Variants in MAST3 observed in about 807,000 individuals in gnomAD.
MAST3 encodes the protein microtubule-associated serine/threonine-protein kinase 3.
Under a neutral mutation model 127.0 loss-of-function variants are expected in MAST3, and 43 were observed. The observed-to-expected ratio is 0.34, with a 90% CI of 0.27 to 0.44. The LOEUF is 0.44. Ranked by LOEUF, MAST3 falls within the 20% of genes least tolerant of loss-of-function variation. The pLI, the probability that MAST3 is intolerant of heterozygous loss-of-function variation, is 1.00. For missense variants in MAST3, 1,390 were observed against 1,919.1 expected (o/e 0.72, Z 5.15); for synonymous variants, 785 against 809.2 (o/e 0.97, Z 0.51).
intron 3 of MAST3, among the ~76,000 whole-genome samples, chr19:18,114,244 G>C (rs573488895): frequency 6.7e-6 from 1 of 149,970 alleles, no homozygotes; most frequent in South Asian, 2.1e-4. Context: ...CTGGAGTACA[G>C]TGGTGCGATA....
At chr19:18,124,976 G>A (rs1015683209) in intron 11 of MAST3, among the ~76,000 whole-genome samples, 2 of 151,686 alleles carry the variant, frequency 1.3e-5, no homozygotes, top group African/African-American at 4.9e-5. Context: ...GTGTGGTGGC[G>A]CATGCCTGTA....
chr19:18,143,706 G>A, intron 21 of MAST3, 57 bp from the exon 22 acceptor site: 1 of 1,602,336 alleles, frequency 6.2e-7, no homozygotes, highest in Non-Finnish European at 8.5e-7. Context: ...GAAGGTGGCT[G>A]AGTATCCTGG....
rs181303438 is a variant in MAST3, at chr19:18,127,319, G to A, written c.1079-1081G>A. Among the ~76,000 whole-genome samples, 317 of 151,104 alleles carry A rather than the reference G, an allele frequency of 2.1e-3. 3 individuals are homozygous for A. Among genetic ancestry groups the A allele is most frequent in the Admixed American group, 0.018 (279 of 15,194 alleles). On this transcript the variant is annotated intron_variant, in intron 11 of 27. Transcript: ENST00000687212. The stretch of plus-strand genomic sequence containing the variant: ...TCCCAGCACTTTGGGAGGCCAAGGC[G>A]GGCAGATCACCTGAGGTCAGGAGTT...
intron 14 of MAST3, 73 bp from the exon 15 acceptor site, chr19:18,131,836 T>C (rs2041327403): frequency 1.4e-6 from 2 of 1,481,262 alleles, no homozygotes; most frequent in African/African-American, 1.4e-5. Flanking sequence ...GCATAGGCAT[T>C]GGGCATAACC....
At chr19:18,146,124 G>A (rs779890658) in intron 25 of MAST3, among the ~76,000 whole-genome samples, 1 of 152,116 alleles carries the variant, frequency 6.6e-6, no homozygotes, top group Non-Finnish European at 1.5e-5. Flanking sequence ...CCTGAGGCCT[G>A]GAGGTAGGAG....
At chr19:18,099,388 G>C (rs941922743) in intron 1 of MAST3, among the ~76,000 whole-genome samples, 1 of 151,608 alleles carries the variant, frequency 6.6e-6, no homozygotes, top group Non-Finnish European at 1.5e-5. Context: ...GGGCAGTCCC[G>C]CCTCCAGCCC....
At position 18,121,992 on chromosome 19, in the gene MAST3, G is replaced by A. The variant is rs185706833; in HGVS notation, c.320+70G>A. 185 of 1,580,200 alleles carry A rather than the reference G, an allele frequency of 1.2e-4. No homozygotes were observed. In the African/African-American group the frequency reaches 2.1e-3, roughly 18 times the overall value. On this transcript the variant is annotated intron_variant, in intron 5 of 27. Coordinates refer to ENST00000687212, the MANE Select transcript of MAST3 (RefSeq NM_001393504.1). The stretch of plus-strand genomic sequence containing the variant: ...AAGGGTTGGGCAGGGGCACGTGCTC[G>A]GTGGCTAGACCTGGCTCCTCATTCA...
At chr19:18,129,038 C>A in intron 13 of MAST3, 87 bp downstream of exon 13, 1 of 1,145,394 alleles carries the variant, frequency 8.7e-7, no homozygotes, top group Non-Finnish European at 1.3e-6. Flanking sequence ...CCCCCTCCTA[C>A]CCCAGCAGGG....
At position 18,150,398 on chromosome 19, in the gene MAST3, G is replaced by A. The variant is rs1449328578; in HGVS notation, c.*672G>A. 6.6e-6 allele frequency: 1 copy of A among 152,336 alleles called. No individual in the cohort carries two copies. Among genetic ancestry groups the A allele is most frequent in the African/African-American group, 2.4e-5 (1 of 41,466 alleles). 9.4% of individuals were successfully genotyped at this position (152,336 alleles called of 1,614,324 possible). On this transcript the variant is annotated 3_prime_UTR_variant, in exon 28 of 28. Transcript: ENST00000687212. ...GTTTGCAGGCCCTGCCCTCTGGGCT[G>A]AGAAGGATGCACTTTGGACAAGTCA...
At chr19:18,115,601 G>A (rs997768665) in intron 3 of MAST3, among the ~76,000 whole-genome samples, 1 of 151,918 alleles carries the variant, frequency 6.6e-6, no homozygotes, top group African/African-American at 2.4e-5. Flanking sequence ...CATCTCTGGT[G>A]GTCTCAAAAC....
chr19:18,148,900 T>TG (rs1030539807), intron 27 of MAST3, among the ~76,000 whole-genome samples: 6 of 18,484 alleles, frequency 3.2e-4, no homozygotes, highest in Admixed American at 1.4e-3. Context: ...GAGACTCTAT[T>TG]GAAAAAAAAA....
intron 1 of MAST3, among the ~76,000 whole-genome samples, chr19:18,103,188 C>T (rs1450391497): frequency 6.6e-6 from 1 of 152,034 alleles, no homozygotes; most frequent in Non-Finnish European, 1.5e-5. Context: ...TCCAGCTTCC[C>T]CGGGAGCCTT....
intron 27 of MAST3, 74 bp downstream of exon 27, chr19:18,147,698 G>A (rs2043175809): frequency 4.7e-6 from 5 of 1,060,300 alleles, no homozygotes; most frequent in Non-Finnish European, 6.7e-6. Context: ...GAGGGAGGAA[G>A]GAGTTCAGGG....
chr19:18,137,410 C>A, intron 19 of MAST3, 49 bp downstream of exon 19: 1 of 1,588,182 alleles, frequency 6.3e-7, no homozygotes, highest in Non-Finnish European at 8.6e-7. Flanking sequence ...TCTGCCATCC[C>A]TCAGTCCCTG....
chr19:18,114,901 T>C (rs2039052071), intron 3 of MAST3, among the ~76,000 whole-genome samples: 1 of 152,044 alleles, frequency 6.6e-6, no homozygotes, highest in Non-Finnish European at 1.5e-5. Flanking sequence ...GGCACAGATA[T>C]ATGGGCAGGT....
intron 20 of MAST3, among the ~76,000 whole-genome samples, chr19:18,140,044 C>T (rs893339544): frequency 6.6e-5 from 10 of 151,410 alleles, no homozygotes; most frequent in African/African-American, 2.2e-4. Context: ...TGGTCTCGAT[C>T]TCCTGACCTC....
chr19:18,104,386 C>G (rs1476338304), intron 1 of MAST3, among the ~76,000 whole-genome samples: 2 of 151,800 alleles, frequency 1.3e-5, no homozygotes, highest in South Asian at 2.1e-4. Flanking sequence ...CTCCTCCCAT[C>G]GTGACAGCTT....
intron 3 of MAST3, among the ~76,000 whole-genome samples, chr19:18,119,820 G>C (rs535336028): frequency 6.6e-6 from 1 of 152,172 alleles, no homozygotes. Context: ...ATGATCATAC[G>C]CTTGTTCTCC....
chr19:18,121,154 C>A (rs1404432461), intron 3 of MAST3, among the ~76,000 whole-genome samples: 2 of 152,060 alleles, frequency 1.3e-5, no homozygotes, highest in Non-Finnish European at 2.9e-5. Flanking sequence ...CTGTGCCCAG[C>A]CTTGTTTTTG....
Sources: gnomAD v4.1 joint callset for allele counts (sites outside exome capture counted in the v4.1 genomes callset) on GRCh38, gnomAD v4.1.1 for gene constraint, MANE v1.5 for transcripts, NCBI Gene and HGNC (gene_info 2026-07-23, HGNC 2026-07-21) for gene names.